FOXP2: variants seen among roughly 807,000 people sequenced by gnomAD.
FOXP2 encodes forkhead box protein P2.
Under a neutral mutation model 115.8 loss-of-function variants are expected in FOXP2, and 12 were observed. The observed-to-expected ratio is 0.10, with a 90% CI of 0.07 to 0.17. The LOEUF is 0.17. FOXP2 is among the 10% of genes least tolerant of loss of function. FOXP2 has a pLI of 1.00. For synonymous variants in FOXP2, 328 were observed against 297.7 expected, an observed-to-expected ratio of 1.10 and a Z score of -1.05; for missense variants, 629 against 843.5, an observed-to-expected ratio of 0.75 and a Z score of 3.15.
chr7:114,206,939 C>T (rs1309307720), intron 1 of FOXP2, among the ~76,000 whole-genome samples: 1 of 152,060 alleles, frequency 6.6e-6, no homozygotes, highest in Non-Finnish European at 1.5e-5. Context: ...CAGAAAGAAA[C>T]CTCATTCTCA....
chr7:114,442,754 G>A (rs1794664744), intron 2 of FOXP2, among the ~76,000 whole-genome samples: 1 of 152,278 alleles, frequency 6.6e-6, no homozygotes, highest in African/African-American at 2.4e-5. Context: ...CAGCAGCCAT[G>A]TCCAGCCAAA....
chr7:114,656,135 A>G (rs1585000011), intron 10 of FOXP2, among the ~76,000 whole-genome samples: 4 of 152,316 alleles, frequency 2.6e-5, no homozygotes, highest in African/African-American at 9.6e-5. Context: ...GCATTGAAAA[A>G]GATGTATTTC....
In FOXP2 at chr7:114,241,208, A is replaced by G. The variant is rs367875498; in HGVS notation, c.-101-46811A>G. ...TAAATGCAAAGATAAAACATATAAA[A>G]AATATTCTCTGTCTTCTGGGAGCTT... is the stretch of plus-strand genomic sequence containing the variant. On this transcript the variant is annotated intron_variant, in intron 1 of 17. Transcript: ENST00000634411. 7.2e-4 allele frequency among the ~76,000 whole-genome samples: 109 copies of G among 152,222 alleles called. 3 individuals are homozygous for G. The South Asian group carries it at 0.022, about 31-fold the overall frequency.
chr7:114,638,376 A>C (rs1805339259), intron 6 of FOXP2, among the ~76,000 whole-genome samples: 1 of 152,192 alleles, frequency 6.6e-6, no homozygotes, highest in African/African-American at 2.4e-5. Flanking sequence ...TTAGATTAAC[A>C]GCATTTATAA....
intron 1 of FOXP2, among the ~76,000 whole-genome samples, chr7:114,274,349 C>T (rs567882897): frequency 6.6e-6 from 1 of 152,098 alleles, no homozygotes; most frequent in East Asian, 1.9e-4. Context: ...ATCAATTAAG[C>T]ATAAGAAAAA....
intron 2 of FOXP2, among the ~76,000 whole-genome samples, chr7:114,443,966 A>G (rs1482091684): frequency 6.6e-6 from 1 of 152,132 alleles, no homozygotes; most frequent in African/African-American, 2.4e-5. Flanking sequence ...TCAAATGGCA[A>G]TTCTATTTTA....
At position 114,311,219 on chromosome 7, in the gene FOXP2, C is replaced by A. The variant is rs549006301; in HGVS notation, c.-11+23110C>A. ...ATGTGTCTGTCAGGTTGGGCAGGAG[C>A]CTCTCTTTCCCTGCTCATGACTGAC... On this transcript the variant is annotated intron_variant, in intron 2 of 17. Transcript: ENST00000634411. 1.8e-4 allele frequency among the ~76,000 whole-genome samples: 27 copies of A among 152,174 alleles called. 1 individual carries two copies. The South Asian group carries it at 5.6e-3, about 32-fold the overall frequency.
At chr7:114,455,430 T>C (rs989293914) in intron 2 of FOXP2, among the ~76,000 whole-genome samples, 2 of 152,214 alleles carry the variant, frequency 1.3e-5, no homozygotes, top group African/African-American at 4.8e-5. Context: ...TGTGGTTTAC[T>C]AATGATTTTC....
intron 2 of FOXP2, among the ~76,000 whole-genome samples, chr7:114,448,647 A>G (rs1794938860): frequency 6.6e-6 from 1 of 152,164 alleles, no homozygotes; most frequent in South Asian, 2.1e-4. Flanking sequence ...TTACTTAGCC[A>G]TTCCACTTTC....
At chr7:114,511,839 G>A (rs1056904583) in intron 2 of FOXP2, among the ~76,000 whole-genome samples, 19 of 151,850 alleles carry the variant, frequency 1.3e-4, no homozygotes, top group Admixed American at 9.8e-4. Context: ...TGCTAAAATT[G>A]TATTCTGCAT....
intron 2 of FOXP2, among the ~76,000 whole-genome samples, chr7:114,303,254 G>A (rs1475474842): frequency 1.3e-5 from 2 of 152,122 alleles, no homozygotes; most frequent in African/African-American, 2.4e-5. Flanking sequence ...AAATTGAGCT[G>A]TTTGGAATTT....
chr7:114,117,301 A>C (rs1791436220), intron 1 of FOXP2, among the ~76,000 whole-genome samples: 1 of 151,264 alleles, frequency 6.6e-6, no homozygotes, highest in South Asian at 2.1e-4. Flanking sequence ...AGCTCACTGC[A>C]ATCTCTGCTT....
intron 1 of FOXP2, among the ~76,000 whole-genome samples, chr7:114,253,392 C>T (rs1426974239): frequency 9.2e-5 from 14 of 151,902 alleles, no homozygotes; most frequent in African/African-American, 2.2e-4. Flanking sequence ...GACAGTGGGG[C>T]GTTAAAGTCT....
At chr7:114,526,432 C>T (rs1798869433) in intron 2 of FOXP2, among the ~76,000 whole-genome samples, 1 of 149,694 alleles carries the variant, frequency 6.7e-6, no homozygotes, top group African/African-American at 2.5e-5. Flanking sequence ...GGCTGAGATG[C>T]GCCATTGCAC....
At position 114,507,159 on chromosome 7, in the gene FOXP2, C is replaced by T. The variant is rs185333773; in HGVS notation, c.169-27458C>T. The stretch of plus-strand genomic sequence containing the variant: ...TGAAATTAGATTCTTACCCCTACCC[C>T]CCCCAAATAAACCAAAAACAAACTT... On this transcript the variant is annotated intron_variant, in intron 2 of 16. Transcript: ENST00000350908. Among the ~76,000 whole-genome samples the T allele has an allele frequency of 8.6e-4, 130 of 151,688 alleles. 1 individual carries two copies. Among genetic ancestry groups the T allele is most frequent in the South Asian group, 1.7e-3 (8 of 4,812 alleles).
rs1353496279 is a variant in FOXP2 at position 114,662,088 on chromosome 7, C to T, written c.1671C>T (p.Ser557=). The T allele has an allele frequency of 1.2e-6, 2 of 1,612,598 alleles. No individual in the cohort carries two copies. Among genetic ancestry groups the T allele is most frequent in the Middle Eastern group, 1.6e-4 (1 of 6,076 alleles). Residue 557 remains serine (S), a synonymous_variant, in exon 14 of 17, where the codon AGC becomes AGT. Coordinates refer to ENST00000350908, the MANE Select transcript of FOXP2 (RefSeq NM_014491.4). ...TWKNAVRHNL[S]LHKCFVRVEN... ...AGAATGCAGTACGTCATAATCTTAG[C>T]CTGCACAAGTGTTTTGTTCGAGTAG...
intron 2 of FOXP2, among the ~76,000 whole-genome samples, chr7:114,446,098 T>G (rs775292172): frequency 6.6e-6 from 1 of 152,232 alleles, no homozygotes; most frequent in African/African-American, 2.4e-5. Context: ...TTTAGAGCAC[T>G]TTTAACATCA....
chr7:114,510,504 A>C (rs1025678423), intron 2 of FOXP2, among the ~76,000 whole-genome samples: 1 of 152,146 alleles, frequency 6.6e-6, no homozygotes, highest in Non-Finnish European at 1.5e-5. Context: ...GAAAGGGCCC[A>C]TTTTGCTTAT....
intron 2 of FOXP2, among the ~76,000 whole-genome samples, chr7:114,493,746 T>G (rs545915710): frequency 6.6e-6 from 1 of 152,012 alleles, no homozygotes; most frequent in Non-Finnish European, 1.5e-5. Context: ...ACTGAAAAGT[T>G]ATATGCAAAC....
Sources: allele counts gnomAD v4.1 joint callset (sites outside exome capture counted in the v4.1 genomes callset), GRCh38; gene constraint gnomAD v4.1.1; transcripts MANE v1.5; gene names NCBI Gene and HGNC (gene_info 2026-07-23, HGNC 2026-07-21).